WWC2: variants seen among roughly 807,000 people sequenced by gnomAD.
WWC2 encodes the protein WW and C2 domain containing 2, also known as protein WWC2.
WWC2 carries 101 observed loss-of-function variants against 138.5 expected under a neutral mutation model. That is an observed-to-expected ratio of 0.73 (90% CI 0.62 to 0.86). The LOEUF (loss-of-function observed/expected upper bound fraction) is 0.86. WWC2 is among the 40% of genes least tolerant of loss of function. The pLI, the probability that WWC2 is intolerant of heterozygous loss-of-function variation, is 0.00. For synonymous variants in WWC2, 558 were observed against 538.4 expected, an observed-to-expected ratio of 1.04 and a Z score of -0.50; for missense variants, 1,420 against 1,419.4, an observed-to-expected ratio of 1.00 and a Z score of -0.01.
chr4:183,163,661 T>C (rs937959958), intron 1 of WWC2, among the ~76,000 whole-genome samples: 2 of 152,230 alleles, frequency 1.3e-5, no homozygotes, highest in Non-Finnish European at 2.9e-5. Flanking sequence ...TGACCTACGT[T>C]ACAGGTCATT....
At chr4:183,269,336 C>T (rs1257213065) in intron 15 of WWC2, 173 bp downstream of exon 15, 4 of 745,610 alleles carry the variant, frequency 5.4e-6, no homozygotes, top group Non-Finnish European at 9.5e-6. Context: ...TCTGTTTATT[C>T]TCTTATTCCA....
intron 2 of WWC2, among the ~76,000 whole-genome samples, chr4:183,195,787 C>T (rs1735124836): frequency 6.6e-6 from 1 of 152,156 alleles, no homozygotes; most frequent in South Asian, 2.1e-4. Flanking sequence ...CTGTAGTCTG[C>T]AAGAACTCCA....
chr4:183,197,479 A>G (rs572638674), intron 2 of WWC2, among the ~76,000 whole-genome samples: 217 of 152,352 alleles, frequency 1.4e-3, no homozygotes, highest in South Asian at 8.5e-3. Context: ...GCTGTTTAAC[A>G]CTATTTCTAA....
chr4:183,280,626 T>G lies in WWC2; in HGVS notation c.2563-150T>G, dbSNP rs368536130. 1.6e-5 allele frequency: 14 copies of G among 897,218 alleles called. No individual in the cohort carries two copies. In the African/African-American group the frequency reaches 2.2e-4, roughly 14 times the overall value. 55.6% of individuals were successfully genotyped at this position (897,218 alleles called of 1,614,324 possible). A position where few individuals can be genotyped will look rare whatever the true frequency, so the allele number is the denominator to read the frequency against. On this transcript the variant is annotated intron_variant, in intron 16 of 22. Coordinates refer to ENST00000403733, the MANE Select transcript of WWC2 (RefSeq NM_024949.6). ...AACATCTGAGAGGTTTTGCTTGTTT[T>G]GGGTTCTATTTTATTCAGCTTTCAT... is the stretch of plus-strand genomic sequence containing the variant.
At chr4:183,214,708 C>G (rs567659592) in intron 4 of WWC2, among the ~76,000 whole-genome samples, 290 of 151,884 alleles carry the variant, frequency 1.9e-3, no homozygotes, top group Admixed American at 4.1e-3. Flanking sequence ...AGGAGAATCT[C>G]TTGAACGTGG....
chr4:183,267,286 A>C (rs557003369), intron 14 of WWC2, among the ~76,000 whole-genome samples: 2 of 152,200 alleles, frequency 1.3e-5, no homozygotes, highest in Non-Finnish European at 2.9e-5. Flanking sequence ...GAGACCAGTG[A>C]GGAGAGCAGG....
chr4:183,287,024 A>G (rs1160240754), intron 20 of WWC2, among the ~76,000 whole-genome samples: 4 of 152,248 alleles, frequency 2.6e-5, no homozygotes, highest in Middle Eastern at 6.8e-3. Flanking sequence ...ACACGGCATG[A>G]GGAGTGTCAG....
chr4:183,283,889 G>T (rs1437937527), intron 18 of WWC2, among the ~76,000 whole-genome samples: 2 of 152,148 alleles, frequency 1.3e-5, no homozygotes, highest in Non-Finnish European at 2.9e-5. Flanking sequence ...ATTCTTTATA[G>T]AATCACTTTA....
rs976752920 is a variant in WWC2 at position 183,165,666 on chromosome 4, C to T, written c.132-27933C>T. On this transcript the variant is annotated intron_variant, in intron 1 of 22. Coordinates refer to ENST00000403733, the MANE Select transcript of WWC2 (RefSeq NM_024949.6). ...ACTCATAGCAAATAGGACTGAAGCC[C>T]GTTGAGGCTTACATTTAATTACTGT... Among the ~76,000 whole-genome samples the T allele has an allele frequency of 3.6e-4, 54 of 152,108 alleles. 1 individual carries two copies. The highest frequency in any genetic ancestry group is 1.2e-3 in the Admixed American group (19 of 15,276).
At chr4:183,236,176 T>G (rs942993283) in intron 4 of WWC2, among the ~76,000 whole-genome samples, 1 of 152,228 alleles carries the variant, frequency 6.6e-6, no homozygotes, top group Non-Finnish European at 1.5e-5. Context: ...ATTTATGGAT[T>G]TGTTTGCTGG....
chr4:183,230,885 T>C (rs966594079), intron 4 of WWC2, among the ~76,000 whole-genome samples: 1 of 152,212 alleles, frequency 6.6e-6, no homozygotes, highest in South Asian at 2.1e-4. Flanking sequence ...CTATTACATT[T>C]GAATTTTGAA....
intron 1 of WWC2, among the ~76,000 whole-genome samples, chr4:183,102,157 A>T (rs1001532237): frequency 6.6e-6 from 1 of 152,144 alleles, no homozygotes; most frequent in Non-Finnish European, 1.5e-5. Flanking sequence ...TCCACTTCTT[A>T]CTTTTATTGA....
chr4:183,208,903 T>C lies in WWC2; in HGVS notation c.446-46T>C, dbSNP rs536585320. 5 of 1,319,214 alleles carry C rather than the reference T, an allele frequency of 3.8e-6. No homozygotes were observed. The Admixed American group carries it at 6.2e-5, about 16-fold the overall frequency. 81.7% of individuals were successfully genotyped at this position (1,319,214 alleles called of 1,614,324 possible). A position where few individuals can be genotyped will look rare whatever the true frequency, so the allele number is the denominator to read the frequency against. On this transcript the variant is annotated intron_variant, in intron 3 of 22. Coordinates refer to ENST00000403733, the MANE Select transcript of WWC2 (RefSeq NM_024949.6). ...CAGTAAATTCTAAGCTGAGAACTAG[T>C]TATGCAACTTGTAAATAATTAGTTT...
intron 1 of WWC2, among the ~76,000 whole-genome samples, chr4:183,110,543 C>T (rs1732200246): frequency 6.7e-6 from 1 of 150,158 alleles, no homozygotes; most frequent in Non-Finnish European, 1.5e-5. Context: ...GTGAGGTAGT[C>T]ATGCACTAAC....
chr4:183,237,931 CAT>C (rs1358631077), intron 4 of WWC2, among the ~76,000 whole-genome samples: 1 of 152,078 alleles, frequency 6.6e-6, no homozygotes, highest in African/African-American at 2.4e-5. Context: ...CTCTAGTAGA[CAT>C]GTGAATAATG....
intron 4 of WWC2, among the ~76,000 whole-genome samples, chr4:183,238,379 G>C (rs868344521): frequency 6.6e-6 from 1 of 152,106 alleles, no homozygotes; most frequent in Non-Finnish European, 1.5e-5. Flanking sequence ...ATGGACCCTC[G>C]TGGCACTTCT....
chr4:183,146,446 A>T (rs75036120), intron 1 of WWC2, among the ~76,000 whole-genome samples: 2,848 of 152,324 alleles, frequency 0.019, 78 homozygotes, highest in African/African-American at 0.064. Context: ...CTAGTTTTTT[A>T]AAAACATTTC....
At chr4:183,211,762 A>G (rs1735605071) in intron 4 of WWC2, among the ~76,000 whole-genome samples, 1 of 152,036 alleles carries the variant, frequency 6.6e-6, no homozygotes, top group African/African-American at 2.4e-5. Context: ...TGTGTGGGCA[A>G]ATACCTCAAA....
At chr4:183,248,639 T>C in intron 6 of WWC2, 75 bp from the exon 7 acceptor site, 1 of 1,424,518 alleles carries the variant, frequency 7.0e-7, no homozygotes, top group East Asian at 2.5e-5. Context: ...CTCTTTCCTT[T>C]TAATTTCACC....
Sources: gnomAD v4.1 joint callset for allele counts (sites outside exome capture counted in the v4.1 genomes callset) on GRCh38, gnomAD v4.1.1 for gene constraint, MANE v1.5 for transcripts, NCBI Gene and HGNC (gene_info 2026-07-23, HGNC 2026-07-21) for gene names.